PIGF: variants seen among roughly 807,000 people sequenced by gnomAD.
PIGF encodes phosphatidylinositol glycan anchor biosynthesis class F, also known as GPI ethanolamine phosphate transferase, stabilizing subunit.
Under a neutral mutation model 26.0 loss-of-function variants are expected in PIGF, and 23 were observed. That is an observed-to-expected ratio of 0.88 (90% CI 0.64 to 1.25). The LOEUF (loss-of-function observed/expected upper bound fraction) is 1.25, where lower values mean the gene tolerates loss of function less well. PIGF is among the 50% of genes most tolerant of loss of function. PIGF has a pLI of 0.00. For missense variants in PIGF, 278 were observed against 249.9 expected, an observed-to-expected ratio of 1.11 and a Z score of -0.76; for synonymous variants, 93 against 92.6, an observed-to-expected ratio of 1.00 and a Z score of -0.03.
chr2:46,591,114 T>C (rs1178781238), intron 5 of PIGF, among the ~76,000 whole-genome samples: 1 of 152,188 alleles, frequency 6.6e-6, no homozygotes, highest in African/African-American at 2.4e-5. Flanking sequence ...ATGACCATAT[T>C]TGATAATAAA....
At chr2:46,599,855 G>A (rs920413773) in intron 4 of PIGF, among the ~76,000 whole-genome samples, 5 of 151,922 alleles carry the variant, frequency 3.3e-5, no homozygotes, top group Admixed American at 1.3e-4. Flanking sequence ...TTGTCATGCC[G>A]TTTCTTTTCT....
In PIGF at chr2:46,612,321, A is replaced by C. The variant is rs906605913; in HGVS notation, c.344T>G (p.Phe115Cys). 1 of 1,460,024 alleles carries C rather than the reference A, an allele frequency of 6.8e-7. No homozygotes were observed. The allele number at this position is 1,460,024 out of a possible 1,614,324, so 90.4% of individuals were successfully genotyped here. ...AGTAAAAGTAGACAAAATAACTGCA[A>C]ATAAAAATGTTTCCAATGCCAACCT... ...LIELALETFL[F>C]AVILSTFTTV... Residue 115 changes from phenylalanine to cysteine, a missense_variant, in exon 4 of 6, where the codon TTT (phenylalanine) becomes TGT (cysteine). Phe to Cys is a radical substitution (Grantham distance 205). Coordinates refer to ENST00000281382, the MANE Select transcript of PIGF (RefSeq NM_002643.4).
intron 5 of PIGF, chr2:46,587,968 T>G: frequency 1.1e-6 from 1 of 877,584 alleles, no homozygotes; most frequent in Non-Finnish European, 1.6e-6. Flanking sequence ...GGCTCTCATG[T>G]GAATCTTAAG....
intron 4 of PIGF, 102 bp from the exon 5 acceptor site, chr2:46,592,685 T>A (rs1669758825): frequency 4.8e-6 from 3 of 619,442 alleles, no homozygotes; most frequent in Non-Finnish European, 6.0e-6. Context: ...TATTTCCTGC[T>A]AATTTAAAAT....
At chr2:46,604,845 AT>A (rs967364559) in intron 4 of PIGF, among the ~76,000 whole-genome samples, 4 of 152,034 alleles carry the variant, frequency 2.6e-5, no homozygotes, top group Non-Finnish European at 4.4e-5. Context: ...ACATTTAAAA[AT>A]AACTAAGAGT....
chr2:46,613,787 TAA>T lies in PIGF; in HGVS notation c.229-4_229-3del. The stretch of plus-strand genomic sequence containing the variant: ...ACAGCATTTCAAAAATCCAGTTACC[TAA>T]AAGAGAAATGAATAACCTGAAGATT... On this transcript the variant is annotated splice_polypyrimidine_tract_variant and splice_region_variant and intron_variant, in intron 2 of 5. Transcript: ENST00000281382. 2 of 1,534,046 alleles carry T rather than the reference TAA, an allele frequency of 1.3e-6. No homozygotes were observed. The highest frequency in any genetic ancestry group is 1.2e-5 in the South Asian group (1 of 83,194).
chr2:46,606,672 T>C (rs1238298537), intron 4 of PIGF, among the ~76,000 whole-genome samples: 1 of 152,194 alleles, frequency 6.6e-6, no homozygotes, highest in African/African-American at 2.4e-5. Context: ...AACTGCACTT[T>C]ACAGAGTTTG....
rs905681860 is a variant in PIGF, at chr2:46,591,837, T to A, written c.546+638A>T. 11 of 1,302,108 alleles carry A rather than the reference T, an allele frequency of 8.4e-6. No individual in the cohort carries two copies. The African/African-American group carries it at 1.7e-4, about 20-fold the overall frequency. 80.7% of individuals were successfully genotyped at this position (1,302,108 alleles called of 1,614,324 possible). Reference sequence around the variant, plus strand: ...CTTTACCTAGCATATCAGCTTTATCTTATTGTGATACAAGACGAAAAATCT... The same window carrying A: ...CTTTACCTAGCATATCAGCTTTATCATATTGTGATACAAGACGAAAAATCT... On this transcript the variant is annotated intron_variant, in intron 5 of 5. Transcript: ENST00000281382.
At chr2:46,596,644 T>G (rs1346841657) in intron 4 of PIGF, among the ~76,000 whole-genome samples, 2 of 152,156 alleles carry the variant, frequency 1.3e-5, no homozygotes, top group African/African-American at 2.4e-5. Context: ...TTTTGCTGCT[T>G]CTTCTATTTA....
At chr2:46,591,455 G>GA in intron 5 of PIGF, 2 of 645,464 alleles carry the variant, frequency 3.1e-6, no homozygotes, top group Non-Finnish European at 3.8e-6. Context: ...TTCGTGATCA[G>GA]AAAAAAATTA....
At chr2:46,584,812 T>G (rs1361605342) in intron 5 of PIGF, among the ~76,000 whole-genome samples, 1 of 152,214 alleles carries the variant, frequency 6.6e-6, no homozygotes, top group African/African-American at 2.4e-5. Context: ...TCATGATTTT[T>G]GAAGATCAAA....
At position 46,589,473 on chromosome 2, in the gene PIGF, TGTA is replaced by T. The variant is rs984253829; in HGVS notation, c.546+2999_546+3001del. On this transcript the variant is annotated intron_variant, in intron 5 of 5. Coordinates refer to ENST00000281382, the MANE Select transcript of PIGF (RefSeq NM_002643.4). This position sits in a 1 kb window ranked among gnomAD's most constrained non-coding sequence, Gnocchi z 4.7. ...AAGTAAAGAAAACTGAATTAAAACA[TGTA>T]GTAGATTTTGTGGGGTTTTGTGTGT... Among the ~76,000 whole-genome samples the T allele has an allele frequency of 1.3e-5, 2 of 151,924 alleles. No homozygotes were observed. Among genetic ancestry groups the T allele is most frequent in the Non-Finnish European group, 1.5e-5 (1 of 67,906 alleles).
At chr2:46,602,177 T>C (rs1283319182) in intron 4 of PIGF, among the ~76,000 whole-genome samples, 2 of 151,974 alleles carry the variant, frequency 1.3e-5, no homozygotes, top group African/African-American at 4.8e-5. Context: ...CCAAGTTTCT[T>C]TATAATAGTA....
intron 4 of PIGF, among the ~76,000 whole-genome samples, chr2:46,606,184 T>G (rs1284634762): frequency 1.3e-5 from 2 of 152,194 alleles, no homozygotes; most frequent in African/African-American, 4.8e-5. Context: ...CTAATGTGGT[T>G]CAAATTTCAA....
In PIGF at chr2:46,588,077, T is replaced by C. The variant is rs76065703; in HGVS notation, c.546+4398A>G. 601 of 1,575,622 alleles carry C rather than the reference T, an allele frequency of 3.8e-4. 1 individual carries two copies. The African/African-American group carries it at 7.2e-3, about 19-fold the overall frequency. ...TATAAAATGGGAGTAAAACCTACCT[T>C]GCACTACGGTTGTCAGGATTAAGTT... On this transcript the variant is annotated intron_variant, in intron 5 of 5. Coordinates refer to ENST00000281382, the MANE Select transcript of PIGF (RefSeq NM_002643.4). The surrounding 1 kb of genome is among the most constrained non-coding windows in gnomAD (Gnocchi z 4.1).
At chr2:46,614,645 C>G in intron 2 of PIGF, 1 of 225,506 alleles carries the variant, frequency 4.4e-6, no homozygotes, top group Non-Finnish European at 8.9e-6. Context: ...TAAAGATAGA[C>G]TGTCACACGT....
At chr2:46,607,337 T>C (rs1002169493) in intron 4 of PIGF, among the ~76,000 whole-genome samples, 1 of 152,142 alleles carries the variant, frequency 6.6e-6, no homozygotes, top group Non-Finnish European at 1.5e-5. Flanking sequence ...GGAAACCTTT[T>C]CCAAGGAAAA....
intron 4 of PIGF, among the ~76,000 whole-genome samples, chr2:46,606,761 A>G (rs983348447): frequency 2.0e-5 from 3 of 152,200 alleles, no homozygotes; most frequent in Non-Finnish European, 1.5e-5. Flanking sequence ...CCCAAGATAA[A>G]TAAACACATA....
At position 46,592,512 on chromosome 2, in the gene PIGF, G is replaced by C. The variant is rs1225882851; in HGVS notation, c.509C>G (p.Ala170Gly). 6.2e-7 allele frequency: 1 copy of C among 1,608,162 alleles called. No homozygotes were observed. The highest frequency in any genetic ancestry group is 1.3e-5 in the African/African-American group (1 of 74,808). Residue 170 changes from alanine to glycine, a missense_variant, in exon 5 of 6, where the codon GCA becomes GGA. Physicochemically the swap from Ala to Gly is moderately conservative, Grantham distance 60. Transcript: ENST00000281382. The stretch of plus-strand genomic sequence containing the variant: ...TTCCCAATCCAGTGGAATAGGAAGT[G>C]CTCCAAGCCATGCTCCTACAAAGCT... ...ISSFVGAWLG[A>G]LPIPLDWERP...
Sources: allele counts gnomAD v4.1 joint callset (sites outside exome capture counted in the v4.1 genomes callset), GRCh38; gene constraint gnomAD v4.1.1; non-coding constraint Gnocchi (gnomAD v3.1); transcripts MANE v1.5; gene names NCBI Gene and HGNC (gene_info 2026-07-23, HGNC 2026-07-21).